The following PTCHD4 variants were observed in gnomAD, a reference collection of about 807,000 sequenced individuals.
PTCHD4 encodes patched domain containing 4.
In PTCHD4, 33 loss-of-function variants were observed where a neutral mutation model predicts 58.1. The observed-to-expected ratio is 0.57, with a 90% CI of 0.43 to 0.76. PTCHD4 has a LOEUF of 0.76. Among genes scored for constraint, PTCHD4 ranks in the 30% least tolerant of loss-of-function variants. PTCHD4 has a pLI of 0.00. For missense variants in PTCHD4, 1,058 were observed against 1,027.1 expected, an observed-to-expected ratio of 1.03 and a Z score of -0.41; for synonymous variants, 478 against 409.6, an observed-to-expected ratio of 1.17 and a Z score of -2.02.
intron 1 of PTCHD4, among the ~76,000 whole-genome samples, chr6:48,085,509 C>T (rs1263522176): frequency 6.6e-6 from 1 of 152,160 alleles, no homozygotes; most frequent in African/African-American, 2.4e-5. Context: ...CAAGAAAAGC[C>T]TCTCAAGATC....
chr6:48,052,343 C>T (rs1334397141), intron 3 of PTCHD4, among the ~76,000 whole-genome samples: 1 of 150,186 alleles, frequency 6.7e-6, no homozygotes, highest in Admixed American at 6.6e-5. Context: ...AGGTAAAGAA[C>T]AGTTTAAGAA....
In PTCHD4 at chr6:48,051,509, ATGGAAAGTTCCACTATC is replaced by A. The variant is rs779915235; in HGVS notation, c.417+16704_417+16720del. Among the ~76,000 whole-genome samples the A allele has an allele frequency of 5.7e-4, 86 of 152,008 alleles. 1 individual carries two copies. Among genetic ancestry groups the A allele is most frequent in the Non-Finnish European group, 5.4e-4 (37 of 67,936 alleles). On this transcript the variant is annotated intron_variant, in intron 3 of 4. Coordinates refer to ENST00000339488, the MANE Select transcript of PTCHD4 (RefSeq NM_001384253.1). ...CAAAGGGAGGATAATTTTTGGGGTC[ATGGAAAGTTCCACTATC>A]TGACAATCTTCTGGCCAGGTCCTGT...
intron 3 of PTCHD4, among the ~76,000 whole-genome samples, chr6:48,053,478 T>C (rs529644343): frequency 1.3e-5 from 2 of 150,658 alleles, no homozygotes; most frequent in East Asian, 4.0e-4. Flanking sequence ...TAGTTTATCT[T>C]GATGGAAATC....
chr6:47,896,728 G>A (rs1032586793), intron 4 of PTCHD4, among the ~76,000 whole-genome samples: 5 of 152,136 alleles, frequency 3.3e-5, no homozygotes, highest in Admixed American at 6.5e-5. Context: ...TACACAAAGG[G>A]ACCATGGAGA....
chr6:47,867,610 T>A lies in PTCHD4; in HGVS notation c.*10693A>T, dbSNP rs189427134. Among the ~76,000 whole-genome samples the A allele has an allele frequency of 1.8e-3, 266 of 151,886 alleles. No individual in the cohort carries two copies. The highest frequency in any genetic ancestry group is 5.1e-3 in the African/African-American group (211 of 41,498). On this transcript the variant is annotated 3_prime_UTR_variant, in exon 5 of 5. Coordinates refer to ENST00000339488, the MANE Select transcript of PTCHD4 (RefSeq NM_001384253.1). ...ACAAGTCTCTTCTGGGTTGCTATCA[T>A]CTCATCTGTTATAGCCTTCATCCTG...
chr6:48,062,068 C>A (rs1764648116), intron 3 of PTCHD4, among the ~76,000 whole-genome samples: 1 of 152,132 alleles, frequency 6.6e-6, no homozygotes, highest in South Asian at 2.1e-4. Flanking sequence ...GAATTAAAAG[C>A]AATGTGGTCA....
At chr6:47,981,365 TTTTC>T (rs1437482782) in intron 4 of PTCHD4, among the ~76,000 whole-genome samples, 9 of 152,128 alleles carry the variant, frequency 5.9e-5, no homozygotes, top group Admixed American at 2.0e-4. Context: ...AGCCTTTATT[TTTTC>T]TTTCTATTTT....
At chr6:47,922,797 G>A (rs529246584) in intron 4 of PTCHD4, among the ~76,000 whole-genome samples, 1 of 152,328 alleles carries the variant, frequency 6.6e-6, no homozygotes, top group Admixed American at 6.5e-5. Context: ...CTTGGATTCA[G>A]TAGCGAGTAT....
intron 4 of PTCHD4, among the ~76,000 whole-genome samples, chr6:47,915,807 C>T (rs1356926195): frequency 1.3e-5 from 2 of 152,052 alleles, no homozygotes; most frequent in Non-Finnish European, 2.9e-5. Flanking sequence ...CCTGAGAACA[C>T]CCCTAACTTC....
intron 1 of PTCHD4, among the ~76,000 whole-genome samples, chr6:48,083,026 A>G (rs980869991): frequency 5.3e-5 from 8 of 151,366 alleles, no homozygotes; most frequent in East Asian, 3.9e-4. Flanking sequence ...TACCCAGGGG[A>G]AAAAAAAGTA....
At chr6:47,908,423 C>A (rs917906782) in intron 4 of PTCHD4, among the ~76,000 whole-genome samples, 2 of 152,162 alleles carry the variant, frequency 1.3e-5, no homozygotes, top group African/African-American at 4.8e-5. Context: ...CCTCAAGCAT[C>A]ACATGCATTG....
chr6:47,926,792 C>T (rs1765636664), intron 4 of PTCHD4, among the ~76,000 whole-genome samples: 1 of 152,174 alleles, frequency 6.6e-6, no homozygotes, highest in South Asian at 2.1e-4. Flanking sequence ...AAGGAAGTAA[C>T]ATCTGCCTTC....
At position 47,873,455 on chromosome 6, in the gene PTCHD4, C is replaced by T. The variant is rs983944673; in HGVS notation, c.*4848G>A. Among the ~76,000 whole-genome samples the T allele has an allele frequency of 6.6e-6, 1 of 151,608 alleles. No individual in the cohort carries two copies. Among genetic ancestry groups the T allele is most frequent in the African/African-American group, 2.4e-5 (1 of 41,366 alleles). On this transcript the variant is annotated 3_prime_UTR_variant, in exon 5 of 5. Coordinates refer to ENST00000339488, the MANE Select transcript of PTCHD4 (RefSeq NM_001384253.1). ...CCACCTCTTGTGCTCCTAAGTTAAA[C>T]GTGATGGTGGATTAATCTTGGTCCT...
At chr6:48,003,021 T>C (rs1768797192) in intron 4 of PTCHD4, among the ~76,000 whole-genome samples, 1 of 152,140 alleles carries the variant, frequency 6.6e-6, no homozygotes, top group Non-Finnish European at 1.5e-5. Flanking sequence ...TGGTTCGTTA[T>C]TCTCTCTTGC....
chr6:47,882,610 T>C (rs1764050484), intron 4 of PTCHD4, among the ~76,000 whole-genome samples: 1 of 151,660 alleles, frequency 6.6e-6, no homozygotes, highest in African/African-American at 2.4e-5. Flanking sequence ...CTTCTTAGCT[T>C]TGTTTATGTT....
Position 48,106,917 on chromosome 6 carries a change from G to C in PTCHD4, c.-970+4132C>G, listed in dbSNP as rs9473246. ...AGGGGCATGAAGGACCTCTTCAAGGGGAACTACAAACGACTGCTCAATGAA... is the reference window on the plus strand; with the variant it reads ...AGGGGCATGAAGGACCTCTTCAAGGCGAACTACAAACGACTGCTCAATGAA... On this transcript the variant is annotated intron_variant, in intron 1 of 4. Transcript: ENST00000339488. 4.6e-5 allele frequency among the ~76,000 whole-genome samples: 7 copies of C among 151,986 alleles called. No homozygotes were observed. In the East Asian group the frequency reaches 7.7e-4, roughly 17 times the overall value.
Position 47,874,940 on chromosome 6 carries a change from C to T in PTCHD4, c.*3363G>A, listed in dbSNP as rs1478748492. Among the ~76,000 whole-genome samples the T allele has an allele frequency of 6.6e-6, 1 of 151,730 alleles. No homozygotes were observed. The highest frequency in any genetic ancestry group is 2.4e-5 in the African/African-American group (1 of 41,382). Reference sequence around the variant, plus strand: ...AACGGTAAAAAATCTTTTAGCTGATCTCTCTGTAATTTAGGTGAGTACCTC... The same window carrying T: ...AACGGTAAAAAATCTTTTAGCTGATTTCTCTGTAATTTAGGTGAGTACCTC... On this transcript the variant is annotated 3_prime_UTR_variant, in exon 5 of 5. Coordinates refer to ENST00000339488, the MANE Select transcript of PTCHD4 (RefSeq NM_001384253.1).
intron 1 of PTCHD4, among the ~76,000 whole-genome samples, chr6:48,089,471 T>C (rs1765323102): frequency 1.3e-5 from 2 of 152,238 alleles, no homozygotes; most frequent in Non-Finnish European, 1.5e-5. Flanking sequence ...TGTTAATGCA[T>C]TTAGTCATAT....
chr6:47,898,656 T>C (rs1006905805), intron 4 of PTCHD4, among the ~76,000 whole-genome samples: 4 of 152,210 alleles, frequency 2.6e-5, no homozygotes, highest in African/African-American at 9.6e-5. Flanking sequence ...ATCAGTTTGC[T>C]TGTGGTAAAC....
Sources: gnomAD v4.1 joint callset for allele counts (sites outside exome capture counted in the v4.1 genomes callset) on GRCh38, gnomAD v4.1.1 for gene constraint, MANE v1.5 for transcripts, NCBI Gene and HGNC (gene_info 2026-07-23, HGNC 2026-07-21) for gene names.